The following RUNX2 variants were observed in gnomAD, a reference collection of about 807,000 sequenced individuals.
The protein encoded by RUNX2 is RUNX family transcription factor 2.
RUNX2 carries 10 observed loss-of-function variants against 51.7 expected under a neutral mutation model. The ratio of observed to expected loss-of-function variants is 0.19; its 90% CI spans 0.12 to 0.33. The LOEUF (loss-of-function observed/expected upper bound fraction) is 0.33. RUNX2 is among the 10% of genes least tolerant of loss of function. The pLI is 1.00. For synonymous variants in RUNX2, 276 were observed against 273.6 expected, an observed-to-expected ratio of 1.01 and a Z score of -0.09; for missense variants, 562 against 691.3, an observed-to-expected ratio of 0.81 and a Z score of 2.10.
chr6:45,404,543 GT>G (rs1286001066), intron 2 of RUNX2, among the ~76,000 whole-genome samples: 4 of 152,032 alleles, frequency 2.6e-5, no homozygotes, highest in African/African-American at 9.7e-5. Flanking sequence ...CTTTTTGATA[GT>G]GTTGTTGTTG....
At chr6:45,329,301 A>G (rs1786979497) in intron 2 of RUNX2, among the ~76,000 whole-genome samples, 2 of 152,106 alleles carry the variant, frequency 1.3e-5, no homozygotes, top group South Asian at 4.1e-4. Flanking sequence ...AGCTCAACTA[A>G]AAGAAATCTA....
At chr6:45,477,510 C>T (rs1456082475) in intron 5 of RUNX2, among the ~76,000 whole-genome samples, 1 of 152,204 alleles carries the variant, frequency 6.6e-6, no homozygotes, top group Non-Finnish European at 1.5e-5. Flanking sequence ...GAACCTCCTC[C>T]AGTTTTACCA....
chr6:45,519,803 T>TGG (rs1383018345), intron 7 of RUNX2, among the ~76,000 whole-genome samples: 12 of 114,082 alleles, frequency 1.1e-4, no homozygotes, highest in Admixed American at 6.2e-4. Flanking sequence ...TGTGTGTGTG[T>TGG]GTGTGTGTGT....
At chr6:45,434,812 G>A (rs1335893343) in intron 4 of RUNX2, among the ~76,000 whole-genome samples, 1 of 152,074 alleles carries the variant, frequency 6.6e-6, no homozygotes, top group African/African-American at 2.4e-5. Flanking sequence ...TAAAATAACA[G>A]GCTGTATTTT....
chr6:45,332,648 T>C (rs1467314479), intron 2 of RUNX2, among the ~76,000 whole-genome samples: 5 of 151,774 alleles, frequency 3.3e-5, no homozygotes, highest in Admixed American at 2.0e-4. Flanking sequence ...CAAAAATCTT[T>C]AGACATTTTA....
chr6:45,458,317 G>A (rs753358704), intron 5 of RUNX2, among the ~76,000 whole-genome samples: 2 of 152,126 alleles, frequency 1.3e-5, no homozygotes, highest in African/African-American at 4.8e-5. Context: ...ATGAGCCACC[G>A]TGCCCGGCTT....
intron 5 of RUNX2, among the ~76,000 whole-genome samples, chr6:45,463,907 A>G (rs1799549922): frequency 6.6e-6 from 1 of 152,168 alleles, no homozygotes; most frequent in African/African-American, 2.4e-5. Context: ...AATGTTCACA[A>G]CATCAGCCGG....
intron 7 of RUNX2, among the ~76,000 whole-genome samples, chr6:45,535,495 T>G (rs1223966428): frequency 2.0e-5 from 3 of 151,056 alleles, no homozygotes; most frequent in South Asian, 2.1e-4. Context: ...TCCCAGCTAC[T>G]GGGGAGGCTG....
chr6:45,366,233 G>A (rs1044966542), intron 2 of RUNX2, among the ~76,000 whole-genome samples: 1 of 152,198 alleles, frequency 6.6e-6, no homozygotes, highest in Non-Finnish European at 1.5e-5. Flanking sequence ...ATAAAGTAAA[G>A]CAGTGCAGAG....
intron 6 of RUNX2, among the ~76,000 whole-genome samples, chr6:45,509,338 T>C (rs1801073449): frequency 6.6e-6 from 1 of 152,340 alleles, no homozygotes; most frequent in East Asian, 1.9e-4. Context: ...ATAGCTCTTG[T>C]ATTTATTATA....
At chr6:45,390,789 G>T (rs149192679) in intron 2 of RUNX2, among the ~76,000 whole-genome samples, 2 of 152,312 alleles carry the variant, frequency 1.3e-5, no homozygotes, top group East Asian at 3.9e-4. Context: ...AACATCACAG[G>T]AGAGAAGCTG....
chr6:45,526,318 T>C (rs922688771), intron 7 of RUNX2, among the ~76,000 whole-genome samples: 4 of 152,230 alleles, frequency 2.6e-5, no homozygotes, highest in African/African-American at 7.2e-5. Context: ...TTGACATCTC[T>C]CATACCCTTG....
intron 2 of RUNX2, among the ~76,000 whole-genome samples, chr6:45,350,301 T>C (rs921111174): frequency 6.6e-6 from 1 of 152,222 alleles, no homozygotes; most frequent in Non-Finnish European, 1.5e-5. Context: ...TTGTATATAA[T>C]AATCTTCTAG....
chr6:45,524,801 A>T (rs919195822), intron 7 of RUNX2, among the ~76,000 whole-genome samples: 1 of 152,200 alleles, frequency 6.6e-6, no homozygotes, highest in Non-Finnish European at 1.5e-5. Context: ...AAAACAGTAC[A>T]TTCTCAGTGT....
chr6:45,431,609 A>G (rs772816065), intron 3 of RUNX2, among the ~76,000 whole-genome samples: 1 of 152,202 alleles, frequency 6.6e-6, no homozygotes, highest in Non-Finnish European at 1.5e-5. Flanking sequence ...AAAAATGTAC[A>G]TATTTTCTGT....
At chr6:45,368,511 G>T (rs1290120698) in intron 2 of RUNX2, among the ~76,000 whole-genome samples, 3 of 152,050 alleles carry the variant, frequency 2.0e-5, no homozygotes, top group Admixed American at 6.6e-5. Flanking sequence ...CATGCTACTG[G>T]GTTTCTAGTT....
At chr6:45,485,667 ATATG>A (rs1207627259) in intron 5 of RUNX2, among the ~76,000 whole-genome samples, 26 of 122,622 alleles carry the variant, frequency 2.1e-4, no homozygotes, top group East Asian at 2.8e-4. Flanking sequence ...GTGTGCATGG[ATATG>A]TATGTGTGTG....
rs1372950447 is a variant in RUNX2 at position 45,519,788 on chromosome 6, ATATGTGTGTG to A, written c.1021+7383_1021+7392del. On this transcript the variant is annotated intron_variant, in intron 7 of 8. Transcript: ENST00000647337. ...GAAGGATGCTATTATATATATATAT[ATATGTGTGTG>A]TGTGTGTGTGTGTGTGTGTGTGTGT... 2.5e-5 allele frequency among the ~76,000 whole-genome samples: 3 copies of A among 118,848 alleles called. No homozygotes were observed. In the South Asian group the frequency reaches 7.2e-4, roughly 28 times the overall value. The allele number at this position is 118,848 out of a possible 152,430, so 78.0% of individuals were successfully genotyped here.
At chr6:45,353,538 T>C (rs972022041) in intron 2 of RUNX2, among the ~76,000 whole-genome samples, 4 of 152,090 alleles carry the variant, frequency 2.6e-5, no homozygotes, top group Non-Finnish European at 4.4e-5. Flanking sequence ...TAAAGGCTTA[T>C]ATAATTTGAG....
Sources: gnomAD v4.1 joint callset for allele counts (sites outside exome capture counted in the v4.1 genomes callset) on GRCh38, gnomAD v4.1.1 for gene constraint, MANE v1.5 for transcripts, NCBI Gene and HGNC (gene_info 2026-07-23, HGNC 2026-07-21) for gene names.